Variants in CAPN1 observed in about 807,000 individuals in gnomAD.
CAPN1 encodes calpain 1, also known as calpain-1 catalytic subunit.
A neutral mutation model predicts 105.2 loss-of-function variants in CAPN1; 77 were observed. That is an observed-to-expected ratio of 0.73 (90% CI 0.61 to 0.88). The LOEUF (loss-of-function observed/expected upper bound fraction) is 0.88, where lower values mean the gene tolerates loss of function less well. Ranked by LOEUF, CAPN1 falls within the 40% of genes least tolerant of loss-of-function variation. The pLI is 0.00. For missense variants in CAPN1, 833 were observed against 976.6 expected (o/e 0.85, Z 1.96); for synonymous variants, 355 against 388.8 (o/e 0.91, Z 1.02).
intron 7 of CAPN1, 168 bp from the exon 8 acceptor site, chr11:65,187,787 T>C (rs937768159): frequency 1.8e-6 from 1 of 552,820 alleles, no homozygotes; most frequent in Non-Finnish European, 3.3e-6. Flanking sequence ...TTTGGGAGGC[T>C]GAGGCAAGAG....
intron 10 of CAPN1, among the ~76,000 whole-genome samples, chr11:65,195,461 C>T (rs751855346): frequency 6.0e-4 from 91 of 152,256 alleles, no homozygotes; most frequent in Non-Finnish European, 1.1e-3. Flanking sequence ...AACTGATGTG[C>T]TTTTTGTGCA....
At position 65,210,531 on chromosome 11, in the gene CAPN1, G is replaced by A; in HGVS notation, c.2059+79G>A. On this transcript the variant is annotated intron_variant, in intron 20 of 21. Coordinates refer to ENST00000279247, the MANE Select transcript of CAPN1 (RefSeq NM_005186.4). This position sits in a 1 kb window ranked among gnomAD's most constrained non-coding sequence, Gnocchi z 4.3. ...CAGGAGCTGGGGGGAATGACAGATGGGTGAATTAGCAGATACAGGCCAGTG... is the reference window on the plus strand; with the variant it reads ...CAGGAGCTGGGGGGAATGACAGATGAGTGAATTAGCAGATACAGGCCAGTG... The A allele has an allele frequency of 2.2e-6, 2 of 894,582 alleles. No homozygotes were observed. The highest frequency in any genetic ancestry group is 2.8e-5 in the South Asian group (2 of 71,380). The allele number at this position is 894,582 out of a possible 1,614,324, so 55.4% of individuals were successfully genotyped here. A position where few individuals can be genotyped will look rare whatever the true frequency, so the allele number is the denominator to read the frequency against.
chr11:65,187,092 C>A, intron 6 of CAPN1, 123 bp from the exon 7 acceptor site: 1 of 695,744 alleles, frequency 1.4e-6, no homozygotes, highest in Non-Finnish European at 2.6e-6. Context: ...GGGGTCCCTG[C>A]TTGCTTCTCC....
In CAPN1 at chr11:65,188,329, A is replaced by G. The variant is rs1266972299; in HGVS notation, c.930-85A>G. On this transcript the variant is annotated intron_variant, in intron 8 of 21. Coordinates refer to ENST00000279247, the MANE Select transcript of CAPN1 (RefSeq NM_005186.4). This position sits in a 1 kb window ranked among gnomAD's most constrained non-coding sequence, Gnocchi z 5.5. ...AGGCCACCTGGGCTGGGCCGGGGGAAGACAGGCCAGGGTAGACAGGCCCCA... is the reference window on the plus strand; with the variant it reads ...AGGCCACCTGGGCTGGGCCGGGGGAGGACAGGCCAGGGTAGACAGGCCCCA... 28 of 1,258,262 alleles carry G rather than the reference A, an allele frequency of 2.2e-5. No individual in the cohort carries two copies. The highest frequency in any genetic ancestry group is 3.2e-5 in the Non-Finnish European group (28 of 888,794). 77.9% of individuals were successfully genotyped at this position (1,258,262 alleles called of 1,614,324 possible). A position where few individuals can be genotyped will look rare whatever the true frequency, so the allele number is the denominator to read the frequency against.
intron 10 of CAPN1, among the ~76,000 whole-genome samples, chr11:65,189,614 T>C (rs1011336242): frequency 3.9e-5 from 6 of 152,160 alleles, no homozygotes; most frequent in Non-Finnish European, 7.3e-5. Flanking sequence ...CTTCTCTCCT[T>C]ACCTAGGTTA....
intron 12 of CAPN1, 192 bp downstream of exon 12, chr11:65,205,913 C>T: frequency 1.7e-6 from 1 of 603,566 alleles, no homozygotes; most frequent in Non-Finnish European, 3.0e-6. Context: ...CACAGGTAGT[C>T]AGTGAGGGAG....
At chr11:65,204,588 A>G in intron 10 of CAPN1, 95 bp from the exon 11 acceptor site, 1 of 1,100,572 alleles carries the variant, frequency 9.1e-7, no homozygotes, top group East Asian at 2.5e-5. Context: ...TGTTGAATGA[A>G]TGAATGCGTG....
Position 65,188,545 on chromosome 11 carries a change from C to T in CAPN1, c.1005-41C>T. 1 of 1,613,418 alleles carries T rather than the reference C, an allele frequency of 6.2e-7. No individual in the cohort carries two copies. Among genetic ancestry groups the T allele is most frequent in the Middle Eastern group, 1.6e-4 (1 of 6,062 alleles). On this transcript the variant is annotated intron_variant, in intron 9 of 21. Coordinates refer to ENST00000279247, the MANE Select transcript of CAPN1 (RefSeq NM_005186.4). The surrounding 1 kb of genome is among the most constrained non-coding windows in gnomAD (Gnocchi z 5.5). ...TCCACCCCTACACATCAGCTCTGTG[C>T]CCTGACGGGCTGTGCCTCACCTGTG...
At chr11:65,205,799 AC>A (rs1948948475) in intron 12 of CAPN1, 78 bp downstream of exon 12, 1 of 1,368,360 alleles carries the variant, frequency 7.3e-7, no homozygotes, top group African/African-American at 1.4e-5. Context: ...TGGCAAACCC[AC>A]CCTGGCCTGG....
rs188484671 is a variant in CAPN1 at position 65,208,169 on chromosome 11, C to G, written c.1672-36C>G. On this transcript the variant is annotated intron_variant, in intron 15 of 21. Transcript: ENST00000279247. The surrounding 1 kb of genome is among the most constrained non-coding windows in gnomAD (Gnocchi z 4.1). ...GGAGGGGCCTGTGAGGGGCAGCCCTCTCCTGGGGCAGGTGCCACCTCCTCT... is the reference window on the plus strand; with the variant it reads ...GGAGGGGCCTGTGAGGGGCAGCCCTGTCCTGGGGCAGGTGCCACCTCCTCT... 1.9e-6 allele frequency: 3 copies of G among 1,591,300 alleles called. No homozygotes were observed. The highest frequency in any genetic ancestry group is 2.6e-6 in the Non-Finnish European group (3 of 1,168,968).
rs1949012776 is a variant in CAPN1, at chr11:65,209,520, C to T, written c.1794+133C>T. The T allele has an allele frequency of 2.6e-6, 2 of 776,696 alleles. No homozygotes were observed. The highest frequency in any genetic ancestry group is 2.7e-5 in the East Asian group (1 of 37,082). The allele number at this position is 776,696 out of a possible 1,614,324, so 48.1% of individuals were successfully genotyped here. A position where few individuals can be genotyped will look rare whatever the true frequency, so the allele number is the denominator to read the frequency against. ...GTGTGGACACACAGTGCCCCATGCT[C>T]AGATGTCTCCCTGGACGTCTTCCTG... On this transcript the variant is annotated intron_variant, in intron 17 of 21. Transcript: ENST00000279247. The surrounding 1 kb of genome is among the most constrained non-coding windows in gnomAD (Gnocchi z 4.1).
chr11:65,197,663 G>T (rs1039463095), intron 10 of CAPN1, among the ~76,000 whole-genome samples: 7 of 152,246 alleles, frequency 4.6e-5, no homozygotes, highest in South Asian at 2.1e-4. Context: ...CAGGTGGACG[G>T]ATCACCTGAG....
chr11:65,187,341 C>T (rs374996879), intron 7 of CAPN1, 43 bp downstream of exon 7: 32 of 1,409,748 alleles, frequency 2.3e-5, no homozygotes, highest in Non-Finnish European at 3.2e-5. Context: ...CGGTTCCTGC[C>T]CCCTGGCCTG....
chr11:65,191,527 C>T (rs1251692615), intron 10 of CAPN1, among the ~76,000 whole-genome samples: 4 of 152,212 alleles, frequency 2.6e-5, no homozygotes, highest in Non-Finnish European at 1.5e-5. Context: ...TACAGGCGTG[C>T]GGCACCACAC....
In CAPN1 at chr11:65,187,954, G is replaced by A. The variant is rs1298417970; in HGVS notation, c.844-1G>A. 1 of 1,555,750 alleles carries A rather than the reference G, an allele frequency of 6.4e-7. No individual in the cohort carries two copies. Among genetic ancestry groups the A allele is most frequent in the Non-Finnish European group, 8.7e-7 (1 of 1,149,180 alleles). On this transcript the variant is annotated splice_acceptor_variant, in intron 7 of 21. Coordinates refer to ENST00000279247, the MANE Select transcript of CAPN1 (RefSeq NM_005186.4). LOFTEE classifies it high-confidence loss of function. ...GCACTGACAGGAGCTCTGGCAAATAGGTGAACTACCGAGGCCAGGTGGTGA... is the reference window on the plus strand; with the variant it reads ...GCACTGACAGGAGCTCTGGCAAATAAGTGAACTACCGAGGCCAGGTGGTGA...
chr11:65,211,502 A>T lies in CAPN1; in HGVS notation c.*216A>T. ...TGCCTGTGCCAGCCATGGGCTCGGG[A>T]TGGACTCCCTGGGCCCCACCCATTG... On this transcript the variant is annotated 3_prime_UTR_variant, in exon 22 of 22. Coordinates refer to ENST00000279247, the MANE Select transcript of CAPN1 (RefSeq NM_005186.4). 1.7e-6 allele frequency: 1 copy of T among 590,946 alleles called. No homozygotes were observed. The highest frequency in any genetic ancestry group is 3.1e-6 in the Non-Finnish European group (1 of 326,100). 36.6% of individuals were successfully genotyped at this position (590,946 alleles called of 1,614,324 possible).
rs1461128299 is a variant in CAPN1, at chr11:65,183,159, A to T, written c.299A>T (p.Asp100Val). 1 of 1,613,786 alleles carries T rather than the reference A, an allele frequency of 6.2e-7. No individual in the cohort carries two copies. Among genetic ancestry groups the T allele is most frequent in the Non-Finnish European group, 8.5e-7 (1 of 1,179,844 alleles). The change falls in exon 3 of 22, where the codon GAT becomes GTT. Residue 100 changes from aspartate (D) to valine (V), a missense_variant. Asp to Val is a radical substitution (Grantham distance 152). Transcript: ENST00000279247. ...CTGTCAAACCCCCAGTTCATTGTGGATGGAGCTACCCGCACAGACATCTGC... is the reference window on the plus strand; with the variant it reads ...CTGTCAAACCCCCAGTTCATTGTGGTTGGAGCTACCCGCACAGACATCTGC... ...ELLSNPQFIV[D>V]GATRTDICQG...
intron 10 of CAPN1, among the ~76,000 whole-genome samples, chr11:65,190,161 C>T (rs1010284326): frequency 2.6e-5 from 4 of 152,218 alleles, no homozygotes; most frequent in African/African-American, 9.7e-5. Flanking sequence ...CACAAAGCAA[C>T]CCTCTCGACC....
At chr11:65,189,764 A>G (rs546486134) in intron 10 of CAPN1, among the ~76,000 whole-genome samples, 24 of 152,212 alleles carry the variant, frequency 1.6e-4, no homozygotes, top group Non-Finnish European at 2.8e-4. Flanking sequence ...CCGATGCCAT[A>G]TTTTCCCTGT....
Sources: gnomAD v4.1 joint callset for allele counts (sites outside exome capture counted in the v4.1 genomes callset) on GRCh38, gnomAD v4.1.1 for gene constraint, Gnocchi (gnomAD v3.1) non-coding constraint, MANE v1.5 for transcripts, NCBI Gene and HGNC (gene_info 2026-07-23, HGNC 2026-07-21) for gene names.